PIGK: variants seen among roughly 807,000 people sequenced by gnomAD.
PIGK encodes GPI-anchor transamidase.
Under a neutral mutation model 50.6 loss-of-function variants are expected in PIGK, and 42 were observed. The observed-to-expected ratio is 0.83, with a 90% CI of 0.65 to 1.07. The LOEUF (loss-of-function observed/expected upper bound fraction) is 1.07. Ranked by LOEUF, PIGK falls within the 50% of genes least tolerant of loss-of-function variation. The pLI is 0.00. For synonymous variants in PIGK, 151 were observed against 156.0 expected (o/e 0.97, Z 0.24); for missense variants, 448 against 488.7 (o/e 0.92, Z 0.78).
intron 3 of PIGK, among the ~76,000 whole-genome samples, chr1:77,172,930 A>C (rs553429673): frequency 6.6e-6 from 1 of 152,098 alleles, no homozygotes; most frequent in Non-Finnish European, 1.5e-5. Context: ...CCTCAGAAAA[A>C]AATAATAATA....
intron 10 of PIGK, among the ~76,000 whole-genome samples, chr1:77,094,871 CA>C (rs1427272116): frequency 1.3e-5 from 2 of 152,026 alleles, no homozygotes; most frequent in Non-Finnish European, 2.9e-5. Flanking sequence ...CGCTGATGGC[CA>C]GGGTAGGAAC....
chr1:77,130,817 G>A (rs904983827), intron 9 of PIGK, among the ~76,000 whole-genome samples: 1 of 152,112 alleles, frequency 6.6e-6, no homozygotes, highest in Non-Finnish European at 1.5e-5. Flanking sequence ...CAGACAGCTA[G>A]CACTTCCACT....
chr1:77,196,531 T>A (rs150758702), intron 3 of PIGK, among the ~76,000 whole-genome samples: 1,930 of 152,330 alleles, frequency 0.013, 39 homozygotes, highest in African/African-American at 0.044. Flanking sequence ...TGAGATGGTA[T>A]CTCACTGTGG....
chr1:77,206,446 T>C lies in PIGK; in HGVS notation c.239+194A>G, dbSNP rs918598032. Among the ~76,000 whole-genome samples, 22 of 152,234 alleles carry C rather than the reference T, an allele frequency of 1.4e-4. No homozygotes were observed. Among genetic ancestry groups the C allele is most frequent in the Non-Finnish European group, 1.6e-4 (11 of 68,038 alleles). On this transcript the variant is annotated intron_variant, in intron 3 of 10. Coordinates refer to ENST00000370812, the MANE Select transcript of PIGK (RefSeq NM_005482.3). ...TTTTACCTTAGCATTTGTTCTTTTATATAATTTGTCATTATGGTCTTAAGT... is the reference window on the plus strand; with the variant it reads ...TTTTACCTTAGCATTTGTTCTTTTACATAATTTGTCATTATGGTCTTAAGT...
chr1:77,157,619 T>C (rs181936463), intron 8 of PIGK, among the ~76,000 whole-genome samples: 4 of 152,324 alleles, frequency 2.6e-5, no homozygotes, highest in African/African-American at 7.2e-5. Flanking sequence ...AGTAGCATTA[T>C]CACAAGTTTT....
intron 3 of PIGK, among the ~76,000 whole-genome samples, chr1:77,191,176 C>A (rs1655895191): frequency 6.6e-6 from 1 of 152,196 alleles, no homozygotes; most frequent in Non-Finnish European, 1.5e-5. Flanking sequence ...GGATGGCTCA[C>A]AGAAATAGTC....
intron 9 of PIGK, among the ~76,000 whole-genome samples, chr1:77,143,470 G>A (rs761744667): frequency 9.9e-5 from 15 of 151,782 alleles, no homozygotes; most frequent in African/African-American, 3.1e-4. Flanking sequence ...AGCAAAGACC[G>A]CAGGTCTGTA....
At chr1:77,110,986 G>T (rs1456397578) in intron 10 of PIGK, among the ~76,000 whole-genome samples, 1 of 152,128 alleles carries the variant, frequency 6.6e-6, no homozygotes, top group Admixed American at 6.5e-5. Flanking sequence ...TATTTATGCA[G>T]CCAAAAGACA....
At chr1:77,209,314 A>T (rs556680989) in intron 2 of PIGK, among the ~76,000 whole-genome samples, 17 of 152,276 alleles carry the variant, frequency 1.1e-4, no homozygotes, top group African/African-American at 4.1e-4. Context: ...CTGTTTGAGG[A>T]ATTAAAACTA....
intron 10 of PIGK, among the ~76,000 whole-genome samples, chr1:77,112,468 G>A (rs1256165159): frequency 6.6e-6 from 1 of 151,990 alleles, no homozygotes; most frequent in African/African-American, 2.4e-5. Flanking sequence ...AATGTTTTTG[G>A]TGGATCCCTG....
At chr1:77,160,589 G>A (rs1206998279) in intron 8 of PIGK, among the ~76,000 whole-genome samples, 2 of 152,080 alleles carry the variant, frequency 1.3e-5, no homozygotes, top group African/African-American at 4.8e-5. Context: ...ATTTATGAAA[G>A]AATAAACAGA....
chr1:77,195,056 C>T, intron 3 of PIGK: 1 of 888,798 alleles, frequency 1.1e-6, no homozygotes, highest in South Asian at 1.3e-5. Flanking sequence ...AGAGACCTGG[C>T]TGTGCACACT....
At chr1:77,138,730 C>T (rs937823540) in intron 9 of PIGK, among the ~76,000 whole-genome samples, 3 of 152,158 alleles carry the variant, frequency 2.0e-5, no homozygotes, top group Admixed American at 2.0e-4. Context: ...AATTTAAGAA[C>T]ATGAACACCT....
At chr1:77,186,416 G>A (rs1162029192) in intron 3 of PIGK, among the ~76,000 whole-genome samples, 1 of 152,242 alleles carries the variant, frequency 6.6e-6, no homozygotes, top group African/African-American at 2.4e-5. Flanking sequence ...ATGGTCCAAT[G>A]TGTGACTATA....
chr1:77,219,265 T>C, intron 1 of PIGK, 45 bp downstream of exon 1: 1 of 1,493,064 alleles, frequency 6.7e-7, no homozygotes. Flanking sequence ...GCTGGAGGGC[T>C]CACAGCCGGC....
At chr1:77,096,872 C>T (rs115728638) in intron 10 of PIGK, among the ~76,000 whole-genome samples, 1,522 of 132,164 alleles carry the variant, frequency 0.012, 27 homozygotes, top group African/African-American at 0.041. Flanking sequence ...CTTGTAGCTT[C>T]GGGTTTTTCT....
chr1:77,090,544 C>T lies in PIGK; in HGVS notation c.*1830G>A, dbSNP rs770396649. On this transcript the variant is annotated 3_prime_UTR_variant, in exon 11 of 11. Coordinates refer to ENST00000370812, the MANE Select transcript of PIGK (RefSeq NM_005482.3). ...GGGCACCTTCTACAACCTCTGAAGA[C>T]GAATCCTTTTACTTTCTAGCAGTCT... The T allele has an allele frequency of 6.6e-5, 10 of 152,158 alleles. No individual in the cohort carries two copies. The highest frequency in any genetic ancestry group is 1.2e-4 in the African/African-American group (5 of 41,432). The allele number at this position is 152,158 out of a possible 1,614,324, so 9.4% of individuals were successfully genotyped here.
intron 10 of PIGK, among the ~76,000 whole-genome samples, chr1:77,119,411 T>A (rs570701706): frequency 5.4e-4 from 83 of 152,344 alleles, no homozygotes; most frequent in African/African-American, 1.8e-3. Context: ...ATTTTCCCAT[T>A]TTCATTTCTG....
intron 10 of PIGK, among the ~76,000 whole-genome samples, chr1:77,102,427 G>A (rs896567250): frequency 1.3e-5 from 2 of 152,180 alleles, no homozygotes; most frequent in African/African-American, 4.8e-5. Context: ...TATCACAAGT[G>A]TTCTTCAGTG....
Sources: gnomAD v4.1 joint callset for allele counts (sites outside exome capture counted in the v4.1 genomes callset) on GRCh38, gnomAD v4.1.1 for gene constraint, MANE v1.5 for transcripts, NCBI Gene and HGNC (gene_info 2026-07-23, HGNC 2026-07-21) for gene names.